MAN1A2: variants seen among roughly 807,000 people sequenced by gnomAD.
MAN1A2 encodes the protein mannosidase alpha class 1A member 2, also known as mannosyl-oligosaccharide 1,2-alpha-mannosidase IB.
Under a neutral mutation model 75.7 loss-of-function variants are expected in MAN1A2, and 26 were observed. The ratio of observed to expected loss-of-function variants is 0.34; its 90% CI spans 0.25 to 0.48. MAN1A2 has a LOEUF of 0.48. MAN1A2 is among the 20% of genes least tolerant of loss of function. The pLI, the probability that MAN1A2 is intolerant of heterozygous loss-of-function variation, is 0.99. For synonymous variants in MAN1A2, 247 were observed against 264.6 expected (o/e 0.93, Z 0.65); for missense variants, 562 against 775.5 (o/e 0.72, Z 3.27).
chr1:117,398,472 A>G (rs1170091924), intron 1 of MAN1A2, among the ~76,000 whole-genome samples: 1 of 152,108 alleles, frequency 6.6e-6, no homozygotes, highest in Non-Finnish European at 1.5e-5. Flanking sequence ...TCAGGAGTTC[A>G]TGACCAGCCT....
At chr1:117,455,851 A>AGG (rs1649565752) in intron 6 of MAN1A2, among the ~76,000 whole-genome samples, 3 of 151,794 alleles carry the variant, frequency 2.0e-5, no homozygotes, top group African/African-American at 7.3e-5. Context: ...TGAGTATATT[A>AGG]CATATCCTCT....
chr1:117,515,917 T>C (rs1173437382), intron 12 of MAN1A2: 2 of 152,054 alleles, frequency 1.3e-5, no homozygotes, highest in Non-Finnish European at 2.9e-5. Context: ...GTAAACTTTA[T>C]GTCATGTGTT....
chr1:117,522,713 C>A (rs1651899745), intron 12 of MAN1A2, 112 bp from the exon 13 acceptor site: 1 of 892,554 alleles, frequency 1.1e-6, no homozygotes, highest in Non-Finnish European at 1.7e-6. Context: ...TGATGTTTTT[C>A]ATCAAAGCTG....
intron 8 of MAN1A2, among the ~76,000 whole-genome samples, chr1:117,488,969 A>T (rs1026871332): frequency 1.3e-5 from 2 of 152,106 alleles, no homozygotes; most frequent in Non-Finnish European, 2.9e-5. Flanking sequence ...ATACACCAAC[A>T]TTCTTTAAAA....
At chr1:117,430,946 G>C (rs80066888) in intron 5 of MAN1A2, among the ~76,000 whole-genome samples, 4 of 129,542 alleles carry the variant, frequency 3.1e-5, no homozygotes, top group African/African-American at 1.2e-4. Context: ...ACGAGACTCC[G>C]TCTGCAATCC....
chr1:117,383,021 A>C (rs1265294517), intron 1 of MAN1A2, among the ~76,000 whole-genome samples: 1 of 152,012 alleles, frequency 6.6e-6, no homozygotes, highest in Non-Finnish European at 1.5e-5. Flanking sequence ...GATGTCTTTT[A>C]TTTCTTTTTC....
In MAN1A2 at chr1:117,493,274, C is replaced by T. The variant is rs1650940433; in HGVS notation, c.1284+12C>T. Reference sequence around the variant, plus strand: ...ATGATGCTATTGAGGTGATTATTTCCAGAACATTTTTCTACTTAATGGATT... The same window carrying T: ...ATGATGCTATTGAGGTGATTATTTCTAGAACATTTTTCTACTTAATGGATT... On this transcript the variant is annotated intron_variant, in intron 9 of 12. Transcript: ENST00000356554. 1 of 1,534,942 alleles carries T rather than the reference C, an allele frequency of 6.5e-7. No individual in the cohort carries two copies. Among genetic ancestry groups the T allele is most frequent in the Non-Finnish European group, 9.0e-7 (1 of 1,109,424 alleles).
At chr1:117,444,446 G>T (rs1040529202) in intron 6 of MAN1A2, among the ~76,000 whole-genome samples, 1 of 150,980 alleles carries the variant, frequency 6.6e-6, no homozygotes, top group African/African-American at 2.4e-5. Flanking sequence ...AGCGTTCCTG[G>T]ATCAAAGGGA....
intron 8 of MAN1A2, among the ~76,000 whole-genome samples, chr1:117,483,186 T>C (rs1360773041): frequency 6.6e-6 from 1 of 152,152 alleles, no homozygotes; most frequent in East Asian, 1.9e-4. Flanking sequence ...GTCTCCAACT[T>C]TGTTCTTTTT....
chr1:117,518,947 C>G (rs1300665577), intron 12 of MAN1A2, among the ~76,000 whole-genome samples: 1 of 151,936 alleles, frequency 6.6e-6, no homozygotes, highest in African/African-American at 2.4e-5. Context: ...ATAAAACAAG[C>G]CTTAATAAAT....
At chr1:117,458,523 A>ATTTTTTTTT (rs5777311) in intron 6 of MAN1A2, among the ~76,000 whole-genome samples, 6 of 105,610 alleles carry the variant, frequency 5.7e-5, no homozygotes, top group Admixed American at 9.7e-5. Context: ...ATATATATAT[A>ATTTTTTTTT]TTTTTTTTTT....
rs112374917 is a variant in MAN1A2, at chr1:117,469,160, G to A, written c.1168+2733G>A. On this transcript the variant is annotated intron_variant, in intron 8 of 12. Coordinates refer to ENST00000356554, the MANE Select transcript of MAN1A2 (RefSeq NM_006699.5). Reference sequence around the variant, plus strand: ...TGCACTCCAGCCTGGGTGACAGAGCGAGACCCTCTCTCAAAAAACAAAATA... The same window carrying A: ...TGCACTCCAGCCTGGGTGACAGAGCAAGACCCTCTCTCAAAAAACAAAATA... Among the ~76,000 whole-genome samples the A allele has an allele frequency of 5.0e-3, 761 of 152,088 alleles. 6 individuals are homozygous for A. The highest frequency in any genetic ancestry group is 0.016 in the African/African-American group (680 of 41,506).
chr1:117,425,382 CACAG>C (rs1648331247), intron 5 of MAN1A2, among the ~76,000 whole-genome samples: 1 of 152,144 alleles, frequency 6.6e-6, no homozygotes, highest in South Asian at 2.1e-4. Flanking sequence ...GTGACACACA[CACAG>C]AGGTATTAAA....
At chr1:117,417,565 T>C (rs1428014685) in intron 4 of MAN1A2, among the ~76,000 whole-genome samples, 3 of 60,682 alleles carry the variant, frequency 4.9e-5, no homozygotes, top group Non-Finnish European at 1.0e-4. Context: ...ATATGTGATA[T>C]ATATGTTTTA....
At chr1:117,515,037 C>T in intron 12 of MAN1A2, 1 of 340,168 alleles carries the variant, frequency 2.9e-6, no homozygotes. Flanking sequence ...ATACTCTACC[C>T]ATAAATAGCT....
At chr1:117,409,828 G>A (rs1028043174) in intron 3 of MAN1A2, among the ~76,000 whole-genome samples, 7 of 151,864 alleles carry the variant, frequency 4.6e-5, no homozygotes, top group Non-Finnish European at 8.8e-5. Context: ...TATAAAAAAA[G>A]GAAACTATAG....
At chr1:117,472,356 A>G (rs973240390) in intron 8 of MAN1A2, among the ~76,000 whole-genome samples, 2 of 152,040 alleles carry the variant, frequency 1.3e-5, no homozygotes, top group Non-Finnish European at 2.9e-5. Context: ...TTAAAAGATT[A>G]ATATCAATTT....
chr1:117,402,158 T>TA (rs1227533906), intron 1 of MAN1A2, 28 bp from the exon 2 acceptor site: 8 of 1,588,462 alleles, frequency 5.0e-6, no homozygotes, highest in African/African-American at 1.4e-5. Flanking sequence ...GGCTCACTGT[T>TA]ACGTTTTATT....
rs141589534 is a variant in MAN1A2, at chr1:117,380,224, T to C, written c.302+11739T>C. On this transcript the variant is annotated intron_variant, in intron 1 of 12. Coordinates refer to ENST00000356554, the MANE Select transcript of MAN1A2 (RefSeq NM_006699.5). ...GATGAATTGAATGAATGAGTAATGA[T>C]GAATAGGAATGAATAATCATGTTGA... 7.9e-3 allele frequency among the ~76,000 whole-genome samples: 1,197 copies of C among 152,298 alleles called. 12 individuals are homozygous for C. Among genetic ancestry groups the C allele is most frequent in the African/African-American group, 0.027 (1,125 of 41,562 alleles).
Sources: gnomAD v4.1 joint callset for allele counts (sites outside exome capture counted in the v4.1 genomes callset) on GRCh38, gnomAD v4.1.1 for gene constraint, MANE v1.5 for transcripts, NCBI Gene and HGNC (gene_info 2026-07-23, HGNC 2026-07-21) for gene names.